BBS9: variants seen among roughly 807,000 people sequenced by gnomAD.
BBS9 encodes the protein protein PTHB1.
A neutral mutation model predicts 117.7 loss-of-function variants in BBS9; 89 were observed. The observed-to-expected ratio is 0.76, with a 90% confidence interval of 0.64 to 0.90. The LOEUF (loss-of-function observed/expected upper bound fraction) is 0.90, where lower values mean the gene tolerates loss of function less well. BBS9 is among the 40% of genes least tolerant of loss of function. The pLI, the probability that BBS9 is intolerant of heterozygous loss-of-function variation, is 0.00. For missense variants in BBS9, 982 were observed against 1,042.2 expected, an observed-to-expected ratio of 0.94 and a Z score of 0.80; for synonymous variants, 379 against 370.9, an observed-to-expected ratio of 1.02 and a Z score of -0.25.
intron 19 of BBS9, among the ~76,000 whole-genome samples, chr7:33,389,538 A>C (rs1826645015): frequency 6.6e-6 from 1 of 151,752 alleles, no homozygotes; most frequent in African/African-American, 2.4e-5. Flanking sequence ...AAATTCAAAC[A>C]ATTAGCCGGG....
intron 21 of BBS9, among the ~76,000 whole-genome samples, chr7:33,594,271 G>A (rs1019965037): frequency 6.6e-6 from 1 of 152,066 alleles, no homozygotes; most frequent in Non-Finnish European, 1.5e-5. Flanking sequence ...TCTTAAACAC[G>A]CTTTCAGTTC....
chr7:33,623,006 C>T (rs2034515), intron 21 of BBS9, among the ~76,000 whole-genome samples: 57,182 of 151,950 alleles, frequency 0.38, 14,616 homozygotes, highest in African/African-American at 0.73. Context: ...GACCTCAGTG[C>T]AGTGAAGGAT....
chr7:33,210,124 T>C (rs1787741454), intron 5 of BBS9, among the ~76,000 whole-genome samples: 1 of 152,354 alleles, frequency 6.6e-6, no homozygotes, highest in African/African-American at 2.4e-5. Flanking sequence ...ACTTTTTCAA[T>C]TTCCTTCTTA....
chr7:33,571,482 C>T (rs1563379810), intron 21 of BBS9, among the ~76,000 whole-genome samples: 1 of 152,038 alleles, frequency 6.6e-6, no homozygotes, highest in African/African-American at 2.4e-5. Flanking sequence ...AAAGTTCTTA[C>T]CATGAGTGGA....
intron 21 of BBS9, among the ~76,000 whole-genome samples, chr7:33,622,706 C>T (rs1865467862): frequency 6.6e-6 from 1 of 152,078 alleles, no homozygotes; most frequent in Non-Finnish European, 1.5e-5. Flanking sequence ...AATTGTAAAG[C>T]TAAAACATAG....
intron 20 of BBS9, among the ~76,000 whole-genome samples, chr7:33,514,830 C>G (rs576909493): frequency 6.6e-6 from 1 of 152,128 alleles, no homozygotes; most frequent in South Asian, 2.1e-4. Context: ...CTTTGGAAGA[C>G]AATAATAATA....
In BBS9 at chr7:33,618,537, G is replaced by A. The variant is rs556101380; in HGVS notation, c.2522-16640G>A. 1.2e-3 allele frequency among the ~76,000 whole-genome samples: 178 copies of A among 152,054 alleles called. 2 individuals are homozygous for A. The highest frequency in any genetic ancestry group is 4.1e-3 in the African/African-American group (172 of 41,480). On this transcript the variant is annotated intron_variant, in intron 21 of 21. Coordinates refer to the BBS9 transcript ENST00000671952. ...AAATAACTATACTTATGATAATTTG[G>A]TAACAGATACACATTATCTACAAAA...
chr7:33,298,457 G>A lies in BBS9; in HGVS notation c.1016+24501G>A, dbSNP rs149246827. Among the ~76,000 whole-genome samples, 24 of 152,278 alleles carry A rather than the reference G, an allele frequency of 1.6e-4. No homozygotes were observed. The East Asian group carries it at 4.0e-3, about 26-fold the overall frequency. ...TATGTTGTAGCCAACATTACTGTTA[G>A]TTTTGGCACATTTACCAATATGCCC... On this transcript the variant is annotated intron_variant, in intron 9 of 22. Coordinates refer to ENST00000242067, the MANE Select transcript of BBS9 (RefSeq NM_198428.3).
At chr7:33,212,855 A>G (rs193003080) in intron 5 of BBS9, among the ~76,000 whole-genome samples, 144 of 152,250 alleles carry the variant, frequency 9.5e-4, no homozygotes, top group African/African-American at 3.3e-3. Context: ...CTTTCTCTCA[A>G]TTGAACGTAG....
intron 1 of BBS9, among the ~76,000 whole-genome samples, chr7:33,145,276 A>G (rs891633107): frequency 6.6e-6 from 1 of 152,218 alleles, no homozygotes; most frequent in African/African-American, 2.4e-5. Flanking sequence ...TTTATGTTAA[A>G]TAAATGAACT....
intron 17 of BBS9, among the ~76,000 whole-genome samples, chr7:33,382,522 G>C (rs551566974): frequency 6.6e-6 from 1 of 151,840 alleles, no homozygotes; most frequent in Admixed American, 6.6e-5. Context: ...AATCTTGGAA[G>C]TTATATAAGA....
chr7:33,580,641 AG>A (rs1324738611), intron 21 of BBS9, among the ~76,000 whole-genome samples: 1 of 152,202 alleles, frequency 6.6e-6, no homozygotes, highest in East Asian at 1.9e-4. Context: ...ATATTCTGGA[AG>A]GTTGTTAAAG....
chr7:33,187,537 C>T (rs1783324906), intron 5 of BBS9, among the ~76,000 whole-genome samples: 1 of 152,208 alleles, frequency 6.6e-6, no homozygotes, highest in Non-Finnish European at 1.5e-5. Context: ...TCCGTCTGTC[C>T]ATCCCCTCAT....
At chr7:33,283,604 A>G (rs1802322000) in intron 9 of BBS9, among the ~76,000 whole-genome samples, 1 of 152,170 alleles carries the variant, frequency 6.6e-6, no homozygotes, top group Non-Finnish European at 1.5e-5. Context: ...TTTCACTGAT[A>G]CAAGGGGTAA....
chr7:33,184,123 G>A (rs1024402095), intron 5 of BBS9, among the ~76,000 whole-genome samples: 1 of 151,548 alleles, frequency 6.6e-6, no homozygotes, highest in African/African-American at 2.4e-5. Context: ...GAGAGAGAGT[G>A]AGAGAAGAAA....
intron 19 of BBS9, among the ~76,000 whole-genome samples, chr7:33,414,548 A>G (rs1310972338): frequency 6.6e-6 from 1 of 152,170 alleles, no homozygotes; most frequent in South Asian, 2.1e-4. Context: ...AAAAATTGGG[A>G]TCATCATATA....
chr7:33,178,811 A>C (rs550045419), intron 5 of BBS9, among the ~76,000 whole-genome samples: 6 of 152,152 alleles, frequency 3.9e-5, no homozygotes, highest in African/African-American at 1.4e-4. Context: ...ACAGATAAAG[A>C]CAAGGAATAA....
chr7:33,320,658 A>G (rs1281561481), intron 9 of BBS9, among the ~76,000 whole-genome samples: 1 of 152,050 alleles, frequency 6.6e-6, no homozygotes, highest in East Asian at 1.9e-4. Flanking sequence ...TTTTTGAGGA[A>G]CTTTGAAACT....
At chr7:33,601,520 AT>A (rs370928399) in intron 21 of BBS9, among the ~76,000 whole-genome samples, 29 of 152,054 alleles carry the variant, frequency 1.9e-4, no homozygotes, top group Admixed American at 1.4e-3. Context: ...ACAAATACAT[AT>A]TTTTTTCCTA....
Sources: allele counts gnomAD v4.1 joint callset (sites outside exome capture counted in the v4.1 genomes callset), GRCh38; gene constraint gnomAD v4.1.1; transcripts MANE v1.5; gene names NCBI Gene and HGNC (gene_info 2026-07-23, HGNC 2026-07-21).